The following LRRC4C variants were observed in gnomAD, a reference collection of about 807,000 sequenced individuals.
LRRC4C encodes the protein leucine rich repeat containing 4C, also known as leucine-rich repeat-containing protein 4C.
Under a neutral mutation model 33.6 loss-of-function variants are expected in LRRC4C, and 5 were observed. The observed-to-expected ratio is 0.15, with a 90% CI of 0.08 to 0.31. The LOEUF (loss-of-function observed/expected upper bound fraction) is 0.31. Ranked by LOEUF, LRRC4C falls within the 10% of genes least tolerant of loss-of-function variation. The pLI, the probability that LRRC4C is intolerant of heterozygous loss-of-function variation, is 1.00. For missense variants in LRRC4C, 560 were observed against 796.7 expected (o/e 0.70, Z 3.58); for synonymous variants, 329 against 302.0 (o/e 1.09, Z -0.93).
At chr11:41,355,576 T>C (rs1377708472) in intron 1 of LRRC4C, among the ~76,000 whole-genome samples, 1 of 152,140 alleles carries the variant, frequency 6.6e-6, no homozygotes. Context: ...TTAAATATTG[T>C]ATGGATTGTT....
intron 2 of LRRC4C, among the ~76,000 whole-genome samples, chr11:40,654,196 T>G (rs1418708084): frequency 2.0e-5 from 3 of 152,198 alleles, no homozygotes; most frequent in African/African-American, 7.2e-5. Context: ...GAGTCCCCGC[T>G]GGTGTACTGC....
intron 5 of LRRC4C, among the ~76,000 whole-genome samples, chr11:40,183,080 TTATAA>T (rs1228932344): frequency 6.6e-6 from 1 of 152,190 alleles, no homozygotes; most frequent in Non-Finnish European, 1.5e-5. Context: ...GAATGTAGCT[TTATAA>T]TTACCAAAAA....
intron 2 of LRRC4C, among the ~76,000 whole-genome samples, chr11:40,886,136 T>C (rs927496991): frequency 2.6e-5 from 4 of 152,120 alleles, no homozygotes; most frequent in African/African-American, 7.2e-5. Context: ...AATACACTTA[T>C]ATTTATTTAT....
chr11:40,202,685 C>T (rs1862852562), intron 5 of LRRC4C, among the ~76,000 whole-genome samples: 1 of 152,136 alleles, frequency 6.6e-6, no homozygotes, highest in Admixed American at 6.6e-5. Context: ...GTTATCTTTT[C>T]CAATTATGGT....
chr11:40,666,704 G>A (rs1174523531), intron 2 of LRRC4C, among the ~76,000 whole-genome samples: 1 of 152,044 alleles, frequency 6.6e-6, no homozygotes, highest in Non-Finnish European at 1.5e-5. Flanking sequence ...ATTGTTATTG[G>A]TGTGTTGAGA....
intron 3 of LRRC4C, among the ~76,000 whole-genome samples, chr11:40,553,063 C>G (rs772105174): frequency 6.6e-6 from 1 of 152,018 alleles, no homozygotes; most frequent in Non-Finnish European, 1.5e-5. Flanking sequence ...CTGAGGTCAG[C>G]AGTTCAAAAC....
intron 2 of LRRC4C, among the ~76,000 whole-genome samples, chr11:40,874,496 T>C (rs1954793345): frequency 6.6e-6 from 1 of 152,188 alleles, no homozygotes; most frequent in Non-Finnish European, 1.5e-5. Flanking sequence ...TGGGAATTAT[T>C]TTCTCAGCTT....
At chr11:40,144,971 G>T (rs750904477) in intron 5 of LRRC4C, among the ~76,000 whole-genome samples, 2 of 152,086 alleles carry the variant, frequency 1.3e-5, no homozygotes, top group Non-Finnish European at 2.9e-5. Flanking sequence ...AACATTTGTT[G>T]GGCAACTATC....
chr11:41,013,691 G>A (rs1014300115), intron 1 of LRRC4C, among the ~76,000 whole-genome samples: 5 of 152,092 alleles, frequency 3.3e-5, no homozygotes, highest in African/African-American at 1.2e-4. Context: ...TCACTGTCTG[G>A]TGTCTCATAG....
intron 1 of LRRC4C, among the ~76,000 whole-genome samples, chr11:41,263,556 G>A (rs1949051010): frequency 6.6e-6 from 1 of 152,122 alleles, no homozygotes; most frequent in Non-Finnish European, 1.5e-5. Flanking sequence ...TTCTGCTAGT[G>A]CCTGGAAACA....
chr11:40,778,245 C>T (rs1461578723), intron 2 of LRRC4C, among the ~76,000 whole-genome samples: 2 of 152,132 alleles, frequency 1.3e-5, no homozygotes, highest in African/African-American at 4.8e-5. Flanking sequence ...GTGAGGCTGG[C>T]CTGGTGATAG....
intron 3 of LRRC4C, among the ~76,000 whole-genome samples, chr11:40,346,352 T>C (rs1823742): frequency 0.28 from 42,642 of 152,080 alleles, 6,570 homozygotes; most frequent in East Asian, 0.5. Flanking sequence ...ATATACACCA[T>C]AGAATACTGT....
At chr11:40,609,395 C>T (rs960299086) in intron 3 of LRRC4C, among the ~76,000 whole-genome samples, 15 of 151,880 alleles carry the variant, frequency 9.9e-5, no homozygotes, top group African/African-American at 2.9e-4. Flanking sequence ...CAAAACTTAT[C>T]GGATACAACC....
At chr11:41,232,622 A>AAT (rs904857392) in intron 1 of LRRC4C, among the ~76,000 whole-genome samples, 1 of 152,014 alleles carries the variant, frequency 6.6e-6, no homozygotes, top group Non-Finnish European at 1.5e-5. Context: ...TGTGTATGTG[A>AAT]ATATATATAT....
At position 40,835,730 on chromosome 11, in the gene LRRC4C, C is replaced by T. The variant is rs193275286; in HGVS notation, c.-407+97905G>A. On this transcript the variant is annotated intron_variant, in intron 2 of 6. Coordinates refer to ENST00000528697, the MANE Select transcript of LRRC4C (RefSeq NM_001258419.2). ...CATTGGTATTTGAAGATTATATGGTCGTATATTTACAAAACACCAAATAAT... is the reference window on the plus strand; with the variant it reads ...CATTGGTATTTGAAGATTATATGGTTGTATATTTACAAAACACCAAATAAT... 3.4e-3 allele frequency among the ~76,000 whole-genome samples: 512 copies of T among 152,024 alleles called. 5 individuals carry two copies. Among genetic ancestry groups the T allele is most frequent in the African/African-American group, 0.011 (476 of 41,472 alleles).
At chr11:40,551,358 T>C (rs1957121372) in intron 3 of LRRC4C, among the ~76,000 whole-genome samples, 1 of 151,826 alleles carries the variant, frequency 6.6e-6, no homozygotes, top group Non-Finnish European at 1.5e-5. Context: ...GAATTTTTCC[T>C]GTTCCAATAT....
chr11:41,171,529 C>T (rs1320343380), intron 1 of LRRC4C, among the ~76,000 whole-genome samples: 2 of 147,396 alleles, frequency 1.4e-5, no homozygotes, highest in African/African-American at 2.5e-5. Context: ...CATGTTCTCA[C>T]TCATAGGTGG....
intron 1 of LRRC4C, among the ~76,000 whole-genome samples, chr11:41,351,958 A>C (rs1413679162): frequency 2.0e-5 from 3 of 152,206 alleles, no homozygotes; most frequent in Admixed American, 6.5e-5. Context: ...ACTAAAAAGC[A>C]ACTGTACAAT....
At chr11:40,254,415 C>T (rs185839220) in intron 4 of LRRC4C, among the ~76,000 whole-genome samples, 8 of 152,280 alleles carry the variant, frequency 5.3e-5, no homozygotes, top group Admixed American at 3.3e-4. Context: ...ATTTCAGCCA[C>T]GTGCTGCTCA....
Sources: allele counts gnomAD v4.1 joint callset (sites outside exome capture counted in the v4.1 genomes callset), GRCh38; gene constraint gnomAD v4.1.1; transcripts MANE v1.5; gene names NCBI Gene and HGNC (gene_info 2026-07-23, HGNC 2026-07-21).